The following STXBP6 variants were observed in gnomAD, a reference collection of about 807,000 sequenced individuals.
STXBP6 encodes syntaxin-binding protein 6.
Under a neutral mutation model 26.9 loss-of-function variants are expected in STXBP6, and 21 were observed. The observed-to-expected ratio is 0.78, with a 90% CI of 0.55 to 1.12. The LOEUF (loss-of-function observed/expected upper bound fraction) is 1.12, where lower values mean the gene tolerates loss of function less well. STXBP6 is among the 50% of genes most tolerant of loss of function. STXBP6 has a pLI of 0.00. For missense variants in STXBP6, 232 were observed against 257.9 expected, an observed-to-expected ratio of 0.90 and a Z score of 0.69; for synonymous variants, 97 against 92.6, an observed-to-expected ratio of 1.05 and a Z score of -0.27.
chr14:24,888,425 C>T (rs2070666910), intron 2 of STXBP6, among the ~76,000 whole-genome samples: 1 of 152,004 alleles, frequency 6.6e-6, no homozygotes, highest in South Asian at 2.1e-4. Flanking sequence ...TGAGATAGAG[C>T]TAAGATAGAA....
intron 4 of STXBP6, among the ~76,000 whole-genome samples, chr14:24,832,161 A>G (rs953224723): frequency 1.3e-5 from 2 of 152,194 alleles, no homozygotes; most frequent in East Asian, 3.8e-4. Flanking sequence ...CACATGTGCC[A>G]GTTTATGATT....
chr14:24,897,304 G>T (rs1277597947), intron 2 of STXBP6, among the ~76,000 whole-genome samples: 2 of 151,368 alleles, frequency 1.3e-5, no homozygotes, highest in Admixed American at 1.3e-4. Flanking sequence ...CAGCTACTCG[G>T]GAGGCTGAGG....
At chr14:24,953,567 A>G (rs1372028698) in intron 2 of STXBP6, among the ~76,000 whole-genome samples, 2 of 151,994 alleles carry the variant, frequency 1.3e-5, no homozygotes, top group Non-Finnish European at 2.9e-5. Flanking sequence ...TTCAACCCTC[A>G]TATCCCAGTT....
intron 1 of STXBP6, among the ~76,000 whole-genome samples, chr14:25,038,109 C>G (rs957196149): frequency 6.6e-6 from 1 of 151,924 alleles, no homozygotes; most frequent in Non-Finnish European, 1.5e-5. Flanking sequence ...GAAACATAAA[C>G]AAGAGGCACG....
chr14:24,964,804 T>C (rs965014126), intron 2 of STXBP6, among the ~76,000 whole-genome samples: 2 of 152,176 alleles, frequency 1.3e-5, no homozygotes, highest in East Asian at 3.8e-4. Flanking sequence ...AACAGTGAAC[T>C]TGACTGACCT....
intron 4 of STXBP6, among the ~76,000 whole-genome samples, chr14:24,831,932 G>C (rs1489836990): frequency 6.6e-6 from 1 of 152,102 alleles, no homozygotes; most frequent in African/African-American, 2.4e-5. Flanking sequence ...TCACACCCGA[G>C]GTAACAGAGC....
intron 2 of STXBP6, among the ~76,000 whole-genome samples, chr14:24,921,107 T>C (rs2071961976): frequency 6.6e-6 from 1 of 152,174 alleles, no homozygotes; most frequent in Admixed American, 6.5e-5. Flanking sequence ...AGTTGTATAA[T>C]CTGTTAAAGT....
At chr14:24,829,057 C>A (rs1009353390) in intron 4 of STXBP6, among the ~76,000 whole-genome samples, 1 of 152,054 alleles carries the variant, frequency 6.6e-6, no homozygotes. Flanking sequence ...ATAAACCAGG[C>A]CCTGTGCCCC....
intron 5 of STXBP6, chr14:24,815,654 T>C (rs1392237968): frequency 6.6e-6 from 1 of 152,068 alleles, no homozygotes; most frequent in Non-Finnish European, 1.5e-5. Context: ...AAGTCAATGT[T>C]TTTTTCTGCA....
At chr14:24,918,675 T>C (rs1356894482) in intron 2 of STXBP6, among the ~76,000 whole-genome samples, 1 of 152,036 alleles carries the variant, frequency 6.6e-6, no homozygotes, top group Non-Finnish European at 1.5e-5. Context: ...TTAATTAACA[T>C]ATTTCTGGTA....
At chr14:25,017,726 C>A (rs143994758) in intron 1 of STXBP6, among the ~76,000 whole-genome samples, 269 of 152,286 alleles carry the variant, frequency 1.8e-3, no homozygotes, top group South Asian at 9.1e-3. Context: ...GAGTTTTCTT[C>A]CAACTCTCAG....
At chr14:25,044,247 C>T (rs1327566666) in intron 1 of STXBP6, among the ~76,000 whole-genome samples, 1 of 147,560 alleles carries the variant, frequency 6.8e-6, no homozygotes, top group East Asian at 2.0e-4. Flanking sequence ...TTTCAGTTCT[C>T]TTGTGTATCT....
intron 2 of STXBP6, among the ~76,000 whole-genome samples, chr14:24,858,463 T>C (rs1029096432): frequency 6.6e-6 from 1 of 152,170 alleles, no homozygotes; most frequent in Non-Finnish European, 1.5e-5. Context: ...GTTCAAATAA[T>C]GTTTTGGTTT....
Position 24,974,693 on chromosome 14 carries a change from G to T in STXBP6, c.126C>A (p.Gly42=). 12 of 1,557,286 alleles carry T rather than the reference G, an allele frequency of 7.7e-6. No homozygotes were observed. Among genetic ancestry groups the T allele is most frequent in the Non-Finnish European group, 1.0e-5 (12 of 1,148,946 alleles). ...KIPFLATGGQ[G]EYLTYICLSV... is the part of the protein sequence containing the mutation. The stretch of plus-strand genomic sequence containing the variant: ...ACAGGCAGATATAAGTTAAATATTC[G>T]CCTTGACCTCCAGTTGCCAAGAAAG... Residue 42 remains glycine, a synonymous_variant, in exon 2 of 6, where the codon GGC becomes GGA. Transcript: ENST00000323944.
chr14:24,992,807 A>G (rs763554163), intron 1 of STXBP6, among the ~76,000 whole-genome samples: 2 of 152,206 alleles, frequency 1.3e-5, no homozygotes, highest in Non-Finnish European at 2.9e-5. Context: ...AGAATCAACC[A>G]TAAGTAACTC....
At chr14:24,943,162 A>T (rs2072865395) in intron 2 of STXBP6, among the ~76,000 whole-genome samples, 1 of 152,190 alleles carries the variant, frequency 6.6e-6, no homozygotes, top group South Asian at 2.1e-4. Context: ...ATCTGTTTTC[A>T]ATCTCACCGT....
chr14:24,969,748 A>G (rs2140170909), intron 2 of STXBP6, among the ~76,000 whole-genome samples: 1 of 152,340 alleles, frequency 6.6e-6, no homozygotes, highest in Non-Finnish European at 1.5e-5. Context: ...CACAAAATAA[A>G]GATTTTGTAT....
chr14:24,964,341 C>T (rs1037911690), intron 2 of STXBP6, among the ~76,000 whole-genome samples: 2 of 152,152 alleles, frequency 1.3e-5, no homozygotes, highest in African/African-American at 4.8e-5. Flanking sequence ...ACGGTAACTA[C>T]CTAGTAGTCT....
chr14:24,955,799 C>A (rs551290921), intron 2 of STXBP6, among the ~76,000 whole-genome samples: 1 of 152,176 alleles, frequency 6.6e-6, no homozygotes, highest in Non-Finnish European at 1.5e-5. Flanking sequence ...ACAGTAAGAG[C>A]AGCTTCCCTG....
Sources: gnomAD v4.1 joint callset for allele counts (sites outside exome capture counted in the v4.1 genomes callset) on GRCh38, gnomAD v4.1.1 for gene constraint, MANE v1.5 for transcripts, NCBI Gene and HGNC (gene_info 2026-07-23, HGNC 2026-07-21) for gene names.